Variants in SLCO2B1 observed in about 807,000 individuals in gnomAD.
SLCO2B1 encodes the protein OATP-RP2.
SLCO2B1 carries 41 observed loss-of-function variants against 67.3 expected under a neutral mutation model. That is an observed-to-expected ratio of 0.61 (90% CI 0.47 to 0.79). SLCO2B1 has a LOEUF of 0.79. Among genes scored for constraint, SLCO2B1 ranks in the 30% least tolerant of loss-of-function variants. SLCO2B1 has a pLI of 0.00. For synonymous variants in SLCO2B1, 379 were observed against 381.4 expected (o/e 0.99, Z 0.07); for missense variants, 837 against 920.1 (o/e 0.91, Z 1.17).
chr11:75,158,090 T>A (rs140468888), intron 1 of SLCO2B1, among the ~76,000 whole-genome samples: 3,857 of 152,322 alleles, frequency 0.025, 171 homozygotes, highest in African/African-American at 0.088. Context: ...TTATTTATTT[T>A]TTGAGACAGG....
rs750314663 is a variant in SLCO2B1 at position 75,202,897 on chromosome 11, T to A, written c.1764-4T>A. The A allele has an allele frequency of 4.3e-5, 69 of 1,613,110 alleles. No individual in the cohort carries two copies. Among genetic ancestry groups the A allele is most frequent in the African/African-American group, 5.4e-5 (4 of 74,732 alleles). On this transcript the variant is annotated splice_region_variant and splice_polypyrimidine_tract_variant and intron_variant, in intron 11 of 13. Coordinates refer to ENST00000289575, the MANE Select transcript of SLCO2B1 (RefSeq NM_007256.5). ...CTCATGTTGCCCATGTCTCTGCTTG[T>A]TAGAGGAGTGAAGAAAGAAGACAAG... is the stretch of plus-strand genomic sequence containing the variant.
At chr11:75,192,033 A>C (rs1317266747) in intron 8 of SLCO2B1, among the ~76,000 whole-genome samples, 1 of 152,014 alleles carries the variant, frequency 6.6e-6, no homozygotes, top group Non-Finnish European at 1.5e-5. Context: ...TTTTTTTCCT[A>C]ACTCCAAGCA....
Position 75,172,528 on chromosome 11 carries a change from C to A in SLCO2B1, c.931C>A (p.Arg311=), listed in dbSNP as rs764985441. Residue 311 remains arginine, a synonymous_variant, in exon 7 of 14, where the codon CGG becomes AGG. Coordinates refer to ENST00000289575, the MANE Select transcript of SLCO2B1 (RefSeq NM_007256.5). ...MPKEKRELQF[R]RKVLAVTDSP... ...CAAGGAAAAACGTGAGCTTCAGTTTCGGCGAAAGGTCTTAGCAGTCACAGA... is the reference window on the plus strand; with the variant it reads ...CAAGGAAAAACGTGAGCTTCAGTTTAGGCGAAAGGTCTTAGCAGTCACAGA... 1.2e-6 allele frequency: 2 copies of A among 1,614,138 alleles called. No individual in the cohort carries two copies. The highest frequency in any genetic ancestry group is 1.1e-5 in the South Asian group (1 of 91,074).
At position 75,204,411 on chromosome 11, in the gene SLCO2B1, T is replaced by C. The variant is rs371344315; in HGVS notation, c.1961T>C (p.Leu654Pro). 2 of 1,606,280 alleles carry C rather than the reference T, an allele frequency of 1.2e-6. No homozygotes were observed. The highest frequency in any genetic ancestry group is 1.3e-5 in the African/African-American group (1 of 74,614). ...CATTCTTTCCCCAGGTTCATCGGCC[T>C]CCAGTTCTTCTTCAAAACAGGTTCT... ...NDLLRNRFIGLQFFFKTGSVI... is the reference protein window; with the variant it reads ...NDLLRNRFIGPQFFFKTGSVI... Residue 654 changes from leucine to proline, a missense_variant, in exon 14 of 14, where the codon CTC (leucine) becomes CCC (proline). Coordinates refer to ENST00000289575, the MANE Select transcript of SLCO2B1 (RefSeq NM_007256.5).
intron 7 of SLCO2B1, 77 bp from the exon 8 acceptor site, chr11:75,188,059 C>T (rs1305387666): frequency 1.0e-6 from 1 of 954,168 alleles, no homozygotes; most frequent in Non-Finnish European, 1.7e-6. Flanking sequence ...CAAGACCTCT[C>T]CTCCCCAGCC....
At position 75,154,701 on chromosome 11, in the gene SLCO2B1, C is replaced by T. The variant is rs1015509201; in HGVS notation, c.16+3304C>T. 4.6e-5 allele frequency among the ~76,000 whole-genome samples: 7 copies of T among 152,206 alleles called. No homozygotes were observed. The South Asian group carries it at 1.0e-3, about 22-fold the overall frequency. ...AGGCTCCAATGTTCCCAGCCTGTGCCTGGTGAACACAGGCCTGAGGGAGCT... is the reference window on the plus strand; with the variant it reads ...AGGCTCCAATGTTCCCAGCCTGTGCTTGGTGAACACAGGCCTGAGGGAGCT... On this transcript the variant is annotated intron_variant, in intron 1 of 13. Coordinates refer to ENST00000289575, the MANE Select transcript of SLCO2B1 (RefSeq NM_007256.5).
chr11:75,203,555 T>A, intron 13 of SLCO2B1, 128 bp downstream of exon 13: 1 of 1,212,592 alleles, frequency 8.2e-7, no homozygotes, highest in Non-Finnish European at 1.2e-6. Flanking sequence ...CATTATATAT[T>A]CAGTGCTGAG....
At chr11:75,172,034 A>T (rs1233746270) in intron 6 of SLCO2B1, among the ~76,000 whole-genome samples, 1 of 152,176 alleles carries the variant, frequency 6.6e-6, no homozygotes, top group Non-Finnish European at 1.5e-5. Context: ...GAAGCTACTA[A>T]TATCTATATT....
chr11:75,162,529 C>T (rs929155068), intron 1 of SLCO2B1, 126 bp from the exon 2 acceptor site: 50 of 1,036,124 alleles, frequency 4.8e-5, no homozygotes, highest in Non-Finnish European at 6.9e-5. Flanking sequence ...TTCTCAGATT[C>T]TCATCAACCA....
intron 11 of SLCO2B1, chr11:75,202,302 C>G (rs955378950): frequency 2.0e-5 from 3 of 152,410 alleles, no homozygotes; most frequent in African/African-American, 7.2e-5. Flanking sequence ...GAGTTGAGAA[C>G]ACAGCCTCAG....
chr11:75,168,410 G>A (rs1017809665), intron 4 of SLCO2B1, among the ~76,000 whole-genome samples: 16 of 152,202 alleles, frequency 1.1e-4, no homozygotes, highest in African/African-American at 2.9e-4. Context: ...ATGGAGGGCC[G>A]CAGAGAGAAG....
intron 7 of SLCO2B1, among the ~76,000 whole-genome samples, chr11:75,186,239 C>A (rs545648104): frequency 1.3e-5 from 2 of 151,110 alleles, no homozygotes; most frequent in Middle Eastern, 3.4e-3. Context: ...GAGGGAGTCT[C>A]GCTCTGTTGC....
intron 1 of SLCO2B1, chr11:75,152,455 C>T (rs112643363): frequency 0.046 from 6,987 of 152,302 alleles, 215 homozygotes; most frequent in Middle Eastern, 0.11. Context: ...GACTGCAGTA[C>T]GGCAGGAAGG....
At chr11:75,187,591 G>A (rs769413770) in intron 7 of SLCO2B1, among the ~76,000 whole-genome samples, 5 of 152,208 alleles carry the variant, frequency 3.3e-5, no homozygotes, top group Non-Finnish European at 7.3e-5. Context: ...GTTAGAGACA[G>A]TGATAATGAT....
Position 75,205,198 on chromosome 11 carries a change from A to AG in SLCO2B1, c.*618_*619insG, listed in dbSNP as rs1438698376. The AG allele has an allele frequency of 1.3e-5, 2 of 152,328 alleles. No homozygotes were observed. The highest frequency in any genetic ancestry group is 4.8e-5 in the African/African-American group (2 of 41,450). 9.4% of individuals were successfully genotyped at this position (152,328 alleles called of 1,614,324 possible). Reference sequence around the variant, plus strand: ...ACGGAGCTGGCCTCAGGAGTGGGACACCCAGACTTGGCAGGGCCTTCAAGA... The same window carrying AG: ...ACGGAGCTGGCCTCAGGAGTGGGACAGCCCAGACTTGGCAGGGCCTTCAAGA... On this transcript the variant is annotated 3_prime_UTR_variant, in exon 14 of 14. Coordinates refer to ENST00000289575, the MANE Select transcript of SLCO2B1 (RefSeq NM_007256.5).
chr11:75,203,029 G>C, intron 12 of SLCO2B1, 64 bp downstream of exon 12: 1 of 1,429,804 alleles, frequency 7.0e-7, no homozygotes, highest in Non-Finnish European at 9.9e-7. Flanking sequence ...TGTGTGCCAG[G>C]CCTGGGGCAC....
chr11:75,202,826 C>G, intron 11 of SLCO2B1, 75 bp from the exon 12 acceptor site: 1 of 1,270,570 alleles, frequency 7.9e-7, no homozygotes, highest in Non-Finnish European at 1.2e-6. Flanking sequence ...TAATAAGAAC[C>G]CTTCAACGTT....
chr11:75,198,384 G>A (rs1465684240), intron 10 of SLCO2B1, among the ~76,000 whole-genome samples: 1 of 152,214 alleles, frequency 6.6e-6, no homozygotes, highest in Non-Finnish European at 1.5e-5. Flanking sequence ...GCTTTACCTG[G>A]ATGAATTCAT....
intron 1 of SLCO2B1, among the ~76,000 whole-genome samples, chr11:75,153,994 C>T (rs908216160): frequency 2.0e-5 from 3 of 148,902 alleles, no homozygotes; most frequent in African/African-American, 5.0e-5. Context: ...GGCGCCATCT[C>T]GGCTCACTGC....
Sources: allele counts gnomAD v4.1 joint callset (sites outside exome capture counted in the v4.1 genomes callset), GRCh38; gene constraint gnomAD v4.1.1; transcripts MANE v1.5; gene names NCBI Gene and HGNC (gene_info 2026-07-23, HGNC 2026-07-21).